CENPU: variants seen among roughly 807,000 people sequenced by gnomAD.
CENPU encodes centromere protein U.
In CENPU, 46 loss-of-function variants were observed where a neutral mutation model predicts 56.7. The observed-to-expected ratio is 0.81, with a 90% CI of 0.64 to 1.04. The LOEUF is 1.04. CENPU is among the 50% of genes least tolerant of loss of function. The pLI, the probability that CENPU is intolerant of heterozygous loss-of-function variation, is 0.00. For synonymous variants in CENPU, 166 were observed against 163.0 expected, an observed-to-expected ratio of 1.02 and a Z score of -0.14; for missense variants, 510 against 490.1, an observed-to-expected ratio of 1.04 and a Z score of -0.38.
intron 1 of CENPU, chr4:184,733,543 C>A (rs1210835163): frequency 1.1e-5 from 4 of 349,520 alleles, no homozygotes; most frequent in Non-Finnish European, 1.6e-5. Context: ...GAACCGCAAG[C>A]GGCAGCTCGG....
chr4:184,696,610 A>G (rs1054707201), intron 12 of CENPU, among the ~76,000 whole-genome samples: 1 of 152,082 alleles, frequency 6.6e-6, no homozygotes, highest in African/African-American at 2.4e-5. Flanking sequence ...CAGGAAAATT[A>G]ATTTAGATCA....
chr4:184,711,474 T>A (rs1279510866), intron 7 of CENPU, among the ~76,000 whole-genome samples: 4 of 152,120 alleles, frequency 2.6e-5, no homozygotes, highest in Non-Finnish European at 4.4e-5. Flanking sequence ...ATATTAACCA[T>A]AATCACCCTA....
At chr4:184,697,152 G>A (rs1760367505) in intron 12 of CENPU, among the ~76,000 whole-genome samples, 1 of 152,114 alleles carries the variant, frequency 6.6e-6, no homozygotes, top group South Asian at 2.1e-4. Flanking sequence ...GAAGTGCTAT[G>A]ATTACAGGTG....
chr4:184,716,529 A>G lies in CENPU; in HGVS notation c.486T>C (p.His162=), dbSNP rs750111733. Residue 162 remains histidine, a synonymous_variant, in exon 6 of 13, where the codon CAT becomes CAC. Coordinates refer to ENST00000281453, the MANE Select transcript of CENPU (RefSeq NM_024629.4). The part of the protein sequence containing the change: ...KSAEKISTQR[H]EVIRTTASSE... Reference sequence around the variant, plus strand: ...AAGACGCTGTGGTTCGAATAACCTCATGACGTTGTGTACTTATTTTCTCTG... The same window carrying G: ...AAGACGCTGTGGTTCGAATAACCTCGTGACGTTGTGTACTTATTTTCTCTG... 12 of 1,614,036 alleles carry G rather than the reference A, an allele frequency of 7.4e-6. No individual in the cohort carries two copies. The Admixed American group carries it at 2.0e-4, about 27-fold the overall frequency.
At position 184,716,545 on chromosome 4, in the gene CENPU, ATTTTC is replaced by A; in HGVS notation, c.465_469del (p.Glu155AspfsTer7). 6.2e-7 allele frequency: 1 copy of A among 1,613,848 alleles called. No individual in the cohort carries two copies. The highest frequency in any genetic ancestry group is 8.5e-7 in the Non-Finnish European group (1 of 1,179,962). On this transcript the variant is annotated frameshift_variant, in exon 6 of 13. Coordinates refer to ENST00000281453, the MANE Select transcript of CENPU (RefSeq NM_024629.4). LOFTEE classifies it high-confidence loss of function. ...AATAACCTCATGACGTTGTGTACTT[ATTTTC>A]TCTGCTGATTTAACTTTTCTCCTTG...
intron 8 of CENPU, among the ~76,000 whole-genome samples, chr4:184,702,768 T>C (rs1447330105): frequency 1.3e-5 from 2 of 152,182 alleles, no homozygotes; most frequent in African/African-American, 2.4e-5. Flanking sequence ...GTTGCCATCT[T>C]TATGTCCATG....
At position 184,702,544 on chromosome 4, in the gene CENPU, CCTTT is replaced by C. The variant is rs569610187; in HGVS notation, c.798-107_798-104del. On this transcript the variant is annotated intron_variant, in intron 8 of 12. Transcript: ENST00000281453. ...ACATACACATACAATTTGGCATATA[CCTTT>C]TTTTATTTTAAAAATATCTTTAATC... The C allele has an allele frequency of 9.5e-5, 65 of 683,436 alleles. No individual in the cohort carries two copies. In the African/African-American group the frequency reaches 1.2e-3, roughly 12 times the overall value. The allele number at this position is 683,436 out of a possible 1,614,324, so 42.3% of individuals were successfully genotyped here.
chr4:184,716,340 C>T, intron 6 of CENPU, 57 bp downstream of exon 6: 2 of 1,102,732 alleles, frequency 1.8e-6, no homozygotes, highest in African/African-American at 1.6e-5. Context: ...CATTTTCTTC[C>T]CCAAAATTTT....
chr4:184,731,148 C>G (rs181248258), intron 1 of CENPU, among the ~76,000 whole-genome samples, 180 bp from the exon 2 acceptor site: 75 of 152,182 alleles, frequency 4.9e-4, no homozygotes, highest in Admixed American at 9.8e-4. Context: ...TACCTCTCCC[C>G]CTCAGGGACA....
chr4:184,720,749 G>GA (rs1761247577), intron 4 of CENPU, among the ~76,000 whole-genome samples: 1 of 151,856 alleles, frequency 6.6e-6, no homozygotes, highest in Non-Finnish European at 1.5e-5. Flanking sequence ...AGTGTTGAAG[G>GA]AAAAAAACTT....
intron 4 of CENPU, among the ~76,000 whole-genome samples, chr4:184,719,819 A>G (rs1302622215): frequency 6.6e-6 from 1 of 152,204 alleles, no homozygotes; most frequent in Admixed American, 6.5e-5. Context: ...ACAGTAGCAT[A>G]GGGCACCAGT....
intron 1 of CENPU, among the ~76,000 whole-genome samples, chr4:184,732,536 T>G (rs954988200): frequency 6.6e-6 from 1 of 152,190 alleles, no homozygotes; most frequent in African/African-American, 2.4e-5. Context: ...AAGGGTCACA[T>G]AGCCAGGTAA....
chr4:184,716,763 G>A (rs1761108507), intron 5 of CENPU, 130 bp from the exon 6 acceptor site: 1 of 714,710 alleles, frequency 1.4e-6, no homozygotes, highest in East Asian at 2.7e-5. Context: ...AACATAATAG[G>A]AAGACGGCAA....
chr4:184,712,074 T>C (rs1472243049), intron 7 of CENPU, among the ~76,000 whole-genome samples: 2 of 135,046 alleles, frequency 1.5e-5, no homozygotes, highest in Non-Finnish European at 3.0e-5. Context: ...TGAGCGGAGA[T>C]CAAGCCACTG....
At chr4:184,731,838 C>G (rs7680835) in intron 1 of CENPU, among the ~76,000 whole-genome samples, 120,152 of 151,798 alleles carry the variant, frequency 0.79, 48,385 homozygotes, top group East Asian at 1. Context: ...AGAAAAGTTG[C>G]AAACATAGCA....
At chr4:184,730,109 G>A (rs74394675) in intron 2 of CENPU, among the ~76,000 whole-genome samples, 2,452 of 152,292 alleles carry the variant, frequency 0.016, 69 homozygotes, top group African/African-American at 0.055. Flanking sequence ...GGGAAGGACA[G>A]GAAAGCTGAA....
At chr4:184,696,864 C>T (rs935111143) in intron 12 of CENPU, among the ~76,000 whole-genome samples, 2 of 147,920 alleles carry the variant, frequency 1.4e-5, no homozygotes, top group African/African-American at 2.5e-5. Flanking sequence ...CCATTATATT[C>T]CTTTTTAATG....
Position 184,712,942 on chromosome 4 carries a change from A to G in CENPU, c.688+2T>C. ...GACAAAGTATAAAACATCATTCTCT[A>G]CCTGAGCCTATGGCTTTACTTCTTG... On this transcript the variant is annotated splice_donor_variant, in intron 7 of 12. Coordinates refer to ENST00000281453, the MANE Select transcript of CENPU (RefSeq NM_024629.4). LOFTEE classifies it high-confidence loss of function. 6.4e-7 allele frequency: 1 copy of G among 1,574,688 alleles called. No homozygotes were observed. Among genetic ancestry groups the G allele is most frequent in the Non-Finnish European group, 8.7e-7 (1 of 1,153,262 alleles).
chr4:184,709,288 A>T (rs1760839385), intron 8 of CENPU, among the ~76,000 whole-genome samples: 1 of 152,188 alleles, frequency 6.6e-6, no homozygotes, highest in African/African-American at 2.4e-5. Flanking sequence ...GGAGATCGAG[A>T]CCATCCTGGC....
Sources: allele counts gnomAD v4.1 joint callset (sites outside exome capture counted in the v4.1 genomes callset), GRCh38; gene constraint gnomAD v4.1.1; transcripts MANE v1.5; gene names NCBI Gene and HGNC (gene_info 2026-07-23, HGNC 2026-07-21).